Variants in STAU2 observed in about 807,000 individuals in gnomAD.
STAU2 encodes the protein double-stranded RNA-binding protein Staufen homolog 2.
In STAU2, 20 loss-of-function variants were observed where a neutral mutation model predicts 65.9. The ratio of observed to expected loss-of-function variants is 0.30; its 90% confidence interval spans 0.21 to 0.44. The LOEUF is 0.44. STAU2 is among the 20% of genes least tolerant of loss of function. The pLI is 1.00. For missense variants in STAU2, 558 were observed against 683.9 expected (o/e 0.82, Z 2.05); for synonymous variants, 232 against 233.9 (o/e 0.99, Z 0.07).
At chr8:73,476,267 T>C (rs758878186) in intron 13 of STAU2, among the ~76,000 whole-genome samples, 1 of 152,210 alleles carries the variant, frequency 6.6e-6, no homozygotes. Flanking sequence ...TCTGGTGTTA[T>C]TATGGAAGTT....
intron 13 of STAU2, among the ~76,000 whole-genome samples, chr8:73,506,008 A>C (rs1202167768): frequency 6.6e-6 from 1 of 152,104 alleles, no homozygotes; most frequent in African/African-American, 2.4e-5. Context: ...TTCTACCAGA[A>C]TTGTAACCTT....
intron 6 of STAU2, among the ~76,000 whole-genome samples, chr8:73,649,012 C>T (rs1433992077): frequency 1.3e-5 from 2 of 152,088 alleles, no homozygotes; most frequent in Admixed American, 1.3e-4. Flanking sequence ...TGCTATGTTG[C>T]CCAGGCTGGT....
chr8:73,554,631 G>A (rs1807586171), intron 12 of STAU2, among the ~76,000 whole-genome samples: 1 of 152,158 alleles, frequency 6.6e-6, no homozygotes, highest in Non-Finnish European at 1.5e-5. Context: ...CGGCATACAG[G>A]AGCCTCTTAA....
intron 4 of STAU2, among the ~76,000 whole-genome samples, chr8:73,702,370 C>T (rs1300131619): frequency 1.3e-5 from 2 of 151,992 alleles, no homozygotes; most frequent in East Asian, 3.9e-4. Context: ...GTCTCAGGTA[C>T]AAAGAGAGAT....
chr8:73,436,487 C>A (rs1259011144), intron 13 of STAU2, among the ~76,000 whole-genome samples: 1 of 151,688 alleles, frequency 6.6e-6, no homozygotes, highest in Admixed American at 6.6e-5. Flanking sequence ...AGTTCTAAAC[C>A]TTTGCAAAAG....
intron 13 of STAU2, among the ~76,000 whole-genome samples, chr8:73,500,836 T>C (rs1220325007): frequency 6.6e-6 from 1 of 151,866 alleles, no homozygotes; most frequent in Admixed American, 6.6e-5. Context: ...TATTTTTCCC[T>C]TAAAATATAA....
chr8:73,482,024 C>A (rs1438772925), intron 13 of STAU2, among the ~76,000 whole-genome samples: 1 of 152,084 alleles, frequency 6.6e-6, no homozygotes, highest in African/African-American at 2.4e-5. Context: ...TTTGAATTTA[C>A]TTTTATACCT....
intron 4 of STAU2, among the ~76,000 whole-genome samples, chr8:73,689,516 T>C (rs1381330599): frequency 3.3e-5 from 5 of 152,142 alleles, no homozygotes; most frequent in Non-Finnish European, 5.9e-5. Context: ...GTTCCTGTTT[T>C]AGCATGGCAC....
At chr8:73,497,068 C>G (rs1821459623) in intron 13 of STAU2, among the ~76,000 whole-genome samples, 1 of 151,742 alleles carries the variant, frequency 6.6e-6, no homozygotes, top group Non-Finnish European at 1.5e-5. Context: ...TAATTCTTAT[C>G]TGGCAGTTTA....
chr8:73,599,797 G>A (rs556218420), intron 10 of STAU2, among the ~76,000 whole-genome samples: 156 of 149,714 alleles, frequency 1.0e-3, no homozygotes, highest in Non-Finnish European at 2.0e-3. Context: ...ACGGAGTCTC[G>A]CTCTGTCACC....
intron 12 of STAU2, among the ~76,000 whole-genome samples, chr8:73,564,884 G>A (rs1440392481): frequency 6.6e-6 from 1 of 152,090 alleles, no homozygotes; most frequent in Non-Finnish European, 1.5e-5. Context: ...TCACTGGCAG[G>A]TCTAAGTTGT....
intron 12 of STAU2, among the ~76,000 whole-genome samples, chr8:73,567,494 A>C (rs1402258087): frequency 1.3e-5 from 2 of 151,896 alleles, no homozygotes; most frequent in Non-Finnish European, 2.9e-5. Flanking sequence ...GCAACAAGAA[A>C]ACGATTAAAA....
intron 6 of STAU2, among the ~76,000 whole-genome samples, chr8:73,667,514 C>G (rs1373478753): frequency 6.6e-6 from 1 of 152,178 alleles, no homozygotes; most frequent in African/African-American, 2.4e-5. Flanking sequence ...CCTTGCCCTC[C>G]TCACCTGGCT....
chr8:73,574,853 A>G (rs1196150782), intron 12 of STAU2, among the ~76,000 whole-genome samples: 2 of 152,078 alleles, frequency 1.3e-5, no homozygotes, highest in African/African-American at 4.8e-5. Context: ...ACATGTATAC[A>G]TATGTAACAA....
At position 73,607,128 on chromosome 8, in the gene STAU2, T is replaced by C; in HGVS notation, c.892-3265A>G. Among the ~76,000 whole-genome samples, 2 of 152,172 alleles carry C rather than the reference T, an allele frequency of 1.3e-5. 1 individual carries two copies. Among genetic ancestry groups the C allele is most frequent in the East Asian group, 3.9e-4 (2 of 5,190 alleles). ...CATATCAAACAGTGCACTTTAAACA[T>C]GTACAAGTCACTCTATGTCAATTAT... On this transcript the variant is annotated intron_variant, in intron 9 of 14. Transcript: ENST00000524300.
chr8:73,422,788 T>G (rs74602699), intron 13 of STAU2, 86 bp from the exon 14 acceptor site: 1 of 539,294 alleles, frequency 1.9e-6, no homozygotes, highest in Non-Finnish European at 2.6e-6. Flanking sequence ...ATAGAAAGAC[T>G]CATTTTCATT....
At chr8:73,426,848 T>C (rs975920975) in intron 13 of STAU2, among the ~76,000 whole-genome samples, 1 of 152,160 alleles carries the variant, frequency 6.6e-6, no homozygotes, top group African/African-American at 2.4e-5. Flanking sequence ...TCAATCTTTA[T>C]GCATCATCTC....
At chr8:73,623,832 T>C (rs1444885846) in intron 6 of STAU2, among the ~76,000 whole-genome samples, 6 of 152,186 alleles carry the variant, frequency 3.9e-5, no homozygotes, top group African/African-American at 1.4e-4. Context: ...CAGTTCTTTC[T>C]CTATTCATAT....
intron 10 of STAU2, among the ~76,000 whole-genome samples, chr8:73,595,793 T>C (rs1025090830): frequency 2.6e-5 from 4 of 152,124 alleles, no homozygotes; most frequent in African/African-American, 9.7e-5. Flanking sequence ...AGAATTAATA[T>C]ACAAGTGTTC....
Sources: allele counts gnomAD v4.1 joint callset (sites outside exome capture counted in the v4.1 genomes callset), GRCh38; gene constraint gnomAD v4.1.1; transcripts MANE v1.5; gene names NCBI Gene and HGNC (gene_info 2026-07-23, HGNC 2026-07-21).